Variants in PALB2 observed in about 807,000 individuals in gnomAD.
PALB2 encodes partner and localizer of BRCA2, also known as mutant partner and localizer of BRCA2.
Under a neutral mutation model 107.4 loss-of-function variants are expected in PALB2, and 82 were observed. The observed-to-expected ratio is 0.76, with a 90% CI of 0.64 to 0.92. The LOEUF (loss-of-function observed/expected upper bound fraction) is 0.92. PALB2 is among the 40% of genes least tolerant of loss of function. The pLI is 0.00. For synonymous variants in PALB2, 489 were observed against 496.8 expected (o/e 0.98, Z 0.21); for missense variants, 1,374 against 1,379.9 (o/e 1.00, Z 0.07).
At chr16:23,618,810 A>G (rs908449654) in intron 10 of PALB2, among the ~76,000 whole-genome samples, 2 of 152,192 alleles carry the variant, frequency 1.3e-5, no homozygotes, top group African/African-American at 4.8e-5. Flanking sequence ...AATAGAAAAG[A>G]CAACTTCTGG....
rs62625273 is a variant in PALB2, at chr16:23,635,715, G to A, written c.831C>T (p.Asp277=). 2.7e-5 allele frequency: 43 copies of A among 1,613,944 alleles called. No homozygotes were observed. Among genetic ancestry groups the A allele is most frequent in the South Asian group, 2.4e-4 (22 of 91,090 alleles). Residue 277 remains aspartate, a synonymous_variant, in exon 4 of 13, where the codon GAC becomes GAT. Transcript: ENST00000261584. ...GTGAAGTAAATCTAATGTTTTTTAG[G>A]TCGTGAGTAGTAAGTTCACTGCTAC... The part of the protein sequence containing the change: ...PKGSSELTTH[D]LKNIRFTSPV...
chr16:23,633,737 T>C (rs962050839), intron 4 of PALB2, among the ~76,000 whole-genome samples: 1 of 151,992 alleles, frequency 6.6e-6, no homozygotes, highest in Admixed American at 6.6e-5. Flanking sequence ...AGGGTTTTGC[T>C]CTATCACCCA....
chr16:23,623,673 T>C (rs755592546), intron 8 of PALB2, among the ~76,000 whole-genome samples: 5 of 151,446 alleles, frequency 3.3e-5, no homozygotes, highest in Admixed American at 6.6e-5. Context: ...GCAGGTGCTA[T>C]ACACCAGGCT....
rs780522699 is a variant in PALB2 at position 23,603,434 on chromosome 16, A to G, written c.*25T>C. 4.4e-6 allele frequency: 7 copies of G among 1,580,452 alleles called. No individual in the cohort carries two copies. Among genetic ancestry groups the G allele is most frequent in the Non-Finnish European group, 5.2e-6 (6 of 1,149,680 alleles). ...ACTAAGAGGCCCAATATATCCAGAA[A>G]ATTGTGTTTTCACTTTACCCTAACT... On this transcript the variant is annotated 3_prime_UTR_variant, in exon 13 of 13. Transcript: ENST00000261584.
At chr16:23,609,623 T>C (rs1420616538) in intron 11 of PALB2, among the ~76,000 whole-genome samples, 1 of 152,068 alleles carries the variant, frequency 6.6e-6, no homozygotes, top group Admixed American at 6.6e-5. Context: ...GTTCACGCCA[T>C]TCTCCTGCCT....
chr16:23,625,648 T>A (rs1966841155), intron 7 of PALB2, among the ~76,000 whole-genome samples: 1 of 151,570 alleles, frequency 6.6e-6, no homozygotes, highest in Non-Finnish European at 1.5e-5. Flanking sequence ...TACAAAAAAA[T>A]TAGCCAGGCA....
chr16:23,606,610 C>T (rs1966479790), intron 12 of PALB2, among the ~76,000 whole-genome samples: 1 of 152,162 alleles, frequency 6.6e-6, no homozygotes, highest in Non-Finnish European at 1.5e-5. Flanking sequence ...ACTGCAACCT[C>T]TCCCTCCCGG....
rs864622756 is a variant in PALB2, at chr16:23,630,123, A to G, written c.2031T>C (p.Val677=). ...TTTTGGGATGTGATTTTCCTGGTAG[A>G]ACAATAAGGTCCTCTTCTAAGTCCT... The part of the protein sequence containing the change: ...EMEDLEEDLI[V]LPGKSHPKRP... The change falls in exon 5 of 13, where the codon GTT becomes GTC. Residue 677 remains valine (V), a synonymous_variant. Coordinates refer to ENST00000261584, the MANE Select transcript of PALB2 (RefSeq NM_024675.4). 3 of 1,614,084 alleles carry G rather than the reference A, an allele frequency of 1.9e-6. No individual in the cohort carries two copies. The highest frequency in any genetic ancestry group is 2.5e-6 in the Non-Finnish European group (3 of 1,180,030).
At chr16:23,640,023 C>G (rs144438386) in intron 1 of PALB2, among the ~76,000 whole-genome samples, 1 of 152,146 alleles carries the variant, frequency 6.6e-6, no homozygotes, top group Non-Finnish European at 1.5e-5. Context: ...GCCTGAGCCT[C>G]TGGGACTACA....
At position 23,635,464 on chromosome 16, in the gene PALB2, G is replaced by C. The variant is rs1345668733; in HGVS notation, c.1082C>G (p.Thr361Ser). 4.3e-6 allele frequency: 7 copies of C among 1,614,116 alleles called. No homozygotes were observed. Among genetic ancestry groups the C allele is most frequent in the Non-Finnish European group, 5.9e-6 (7 of 1,180,006 alleles). ...AAGATTTTCATTCCTGCCATCAAGA[G>C]TGTCACTGGGAGATTTTAAAGATTT... ...TEKSLKSPSD[T>S]LDGRNENLQE... The change falls in exon 4 of 13, where the codon ACT becomes AGT. Residue 361 changes from threonine (T) to serine (S), a missense_variant. By Grantham distance (58) the Thr-to-Ser change is moderately conservative (BLOSUM62 1). Transcript: ENST00000261584.
chr16:23,624,438 A>G (rs973497649), intron 7 of PALB2, among the ~76,000 whole-genome samples: 1 of 152,234 alleles, frequency 6.6e-6, no homozygotes, highest in Non-Finnish European at 1.5e-5. Flanking sequence ...CTCTGTGTAA[A>G]GCACAGTGTT....
chr16:23,631,077 A>G (rs1034279304), intron 4 of PALB2, among the ~76,000 whole-genome samples: 1 of 150,044 alleles, frequency 6.7e-6, no homozygotes, highest in African/African-American at 2.4e-5. Flanking sequence ...CAGCCTGGCC[A>G]ACATGGTGAA....
intron 6 of PALB2, among the ~76,000 whole-genome samples, chr16:23,626,618 AT>A (rs1966843290): frequency 6.6e-6 from 1 of 152,012 alleles, no homozygotes; most frequent in African/African-American, 2.4e-5. Context: ...TATTTTATTA[AT>A]TTTAATTTTT....
At chr16:23,604,944 C>T (rs1034861581) in intron 12 of PALB2, among the ~76,000 whole-genome samples, 9 of 151,848 alleles carry the variant, frequency 5.9e-5, no homozygotes, top group Admixed American at 3.9e-4. Context: ...CATGGTGGCA[C>T]GTGCCTGTAA....
intron 7 of PALB2, 22 bp from the exon 8 acceptor site, chr16:23,624,116 A>G (rs1250650206): frequency 6.6e-7 from 1 of 1,515,462 alleles, no homozygotes; most frequent in African/African-American, 1.4e-5. Context: ...AAAGCAGCCA[A>G]AAATTATGCT....
chr16:23,621,404 T>C lies in PALB2; in HGVS notation c.3071A>G (p.Glu1024Gly). The C allele has an allele frequency of 6.2e-7, 1 of 1,614,096 alleles. No homozygotes were observed. Among genetic ancestry groups the C allele is most frequent in the Non-Finnish European group, 8.5e-7 (1 of 1,179,982 alleles). Residue 1024 changes from glutamate (E) to glycine (G), a missense_variant, in exon 10 of 13, where the codon GAA (glutamate) becomes GGA (glycine). Transcript: ENST00000261584. Reference sequence around the variant, plus strand: ...CATAATAGTAGTACCAAGCAGAGCTTCTTGCATCCCTTGGACCTCAGCAAA... The same window carrying C: ...CATAATAGTAGTACCAAGCAGAGCTCCTTGCATCCCTTGGACCTCAGCAAA... ...LTFAEVQGMQ[E>G]ALLGTTIMNN... is the part of the protein sequence containing the mutation.
chr16:23,639,517 GAA>G (rs1186283940), intron 1 of PALB2, among the ~76,000 whole-genome samples: 13 of 43,710 alleles, frequency 3.0e-4, no homozygotes, highest in Non-Finnish European at 2.7e-4. Flanking sequence ...GACTCTGCTT[GAA>G]AAAAAAAAAA....
At chr16:23,604,753 G>A (rs1200735472) in intron 12 of PALB2, among the ~76,000 whole-genome samples, 4 of 150,100 alleles carry the variant, frequency 2.7e-5, no homozygotes, top group Non-Finnish European at 4.4e-5. Flanking sequence ...GCGATAAAGT[G>A]AGACCCTGTC....
In PALB2 at chr16:23,608,004, G is replaced by T; in HGVS notation, c.3210C>A (p.Leu1070=). 6.2e-7 allele frequency: 1 copy of T among 1,613,854 alleles called. No homozygotes were observed. The highest frequency in any genetic ancestry group is 2.2e-5 in the East Asian group (1 of 44,880). ...CACAGGGATGACTCAGGACAATAAA[G>T]AGAAGCCCCTAATTTCGGAGAAAAA... ...CHKAYSEMGL[L]FIVLSHPCAK... The change falls in exon 12 of 13, where the codon CTC becomes CTA. Residue 1070 remains leucine, a synonymous_variant. Transcript: ENST00000261584.
Sources: allele counts gnomAD v4.1 joint callset (sites outside exome capture counted in the v4.1 genomes callset), GRCh38; gene constraint gnomAD v4.1.1; transcripts MANE v1.5; gene names NCBI Gene and HGNC (gene_info 2026-07-23, HGNC 2026-07-21).